SGCZ: variants seen among roughly 807,000 people sequenced by gnomAD.
SGCZ encodes the protein zeta-sarcoglycan.
In SGCZ, 40 loss-of-function variants were observed where a neutral mutation model predicts 41.3. The ratio of observed to expected loss-of-function variants is 0.97; its 90% CI spans 0.75 to 1.26. The LOEUF is 1.26. SGCZ is among the 50% of genes most tolerant of loss of function. The probability of loss-of-function intolerance (pLI) is 0.00; values close to 1 mark genes in which losing one functional copy is unlikely to be tolerated. For missense variants in SGCZ, 552 were observed against 369.8 expected (o/e 1.49, Z -4.04); for synonymous variants, 206 against 137.5 (o/e 1.50, Z -3.49).
At chr8:14,218,766 C>G (rs1218422883) in intron 4 of SGCZ, among the ~76,000 whole-genome samples, 2 of 152,198 alleles carry the variant, frequency 1.3e-5, no homozygotes, top group Non-Finnish European at 2.9e-5. Flanking sequence ...AGAGACAACT[C>G]ACAACATCAA....
At chr8:14,612,659 T>C (rs1363255114) in intron 1 of SGCZ, among the ~76,000 whole-genome samples, 2 of 151,676 alleles carry the variant, frequency 1.3e-5, no homozygotes, top group Non-Finnish European at 2.9e-5. Context: ...CAGGAAGGAG[T>C]TGTGTTTTTT....
At chr8:14,485,199 C>T (rs185401556) in intron 2 of SGCZ, among the ~76,000 whole-genome samples, 13 of 152,228 alleles carry the variant, frequency 8.5e-5, no homozygotes, top group Middle Eastern at 6.8e-3. Context: ...AACTACATTT[C>T]CTATCAGTAT....
At chr8:14,853,578 A>C in intron 1 of SGCZ, 1 of 466,332 alleles carries the variant, frequency 2.1e-6, no homozygotes, top group South Asian at 1.5e-5. Context: ...TACACATTGC[A>C]GGTTAAAAAA....
intron 1 of SGCZ, among the ~76,000 whole-genome samples, chr8:14,936,314 C>G (rs1800081246): frequency 1.3e-5 from 2 of 151,898 alleles, no homozygotes; most frequent in Non-Finnish European, 2.9e-5. Context: ...TTTAATATGT[C>G]TAACGTACCA....
intron 1 of SGCZ, among the ~76,000 whole-genome samples, chr8:14,875,767 T>C (rs1220520054): frequency 1.3e-5 from 2 of 152,130 alleles, no homozygotes; most frequent in South Asian, 4.1e-4. Context: ...GAAAAAATAA[T>C]TGGATTAAGT....
rs1005093649 is a variant in SGCZ, at chr8:14,291,136, G to C, written c.336+32967C>G. Among the ~76,000 whole-genome samples the C allele has an allele frequency of 3.9e-5, 6 of 152,024 alleles. No individual in the cohort carries two copies. The South Asian group carries it at 1.2e-3, about 31-fold the overall frequency. ...AAAAAGTTTTTATCACAAAAGTACA[G>C]AGTAAAATAGCGGTTACCAGAAAAT... is the stretch of plus-strand genomic sequence containing the variant. On this transcript the variant is annotated intron_variant, in intron 3 of 7. Coordinates refer to ENST00000382080, the MANE Select transcript of SGCZ (RefSeq NM_139167.4).
intron 1 of SGCZ, among the ~76,000 whole-genome samples, chr8:14,564,553 T>C (rs1206838216): frequency 6.6e-6 from 1 of 152,168 alleles, no homozygotes; most frequent in Non-Finnish European, 1.5e-5. Flanking sequence ...AAAAGGAGGA[T>C]GTTAAAGTAC....
chr8:15,109,051 AAATTATTC>A, intron 1 of SGCZ, among the ~76,000 whole-genome samples: 1 of 152,312 alleles, frequency 6.6e-6, no homozygotes. Context: ...AACCTGGTTA[AAATTATTC>A]ATAATTGGAA....
chr8:15,216,509 C>T (rs559168008), intron 1 of SGCZ, among the ~76,000 whole-genome samples: 5 of 152,140 alleles, frequency 3.3e-5, no homozygotes, highest in African/African-American at 1.2e-4. Flanking sequence ...CATGAGCCAC[C>T]GCACCTGGCC....
chr8:14,382,606 C>T (rs908071603), intron 2 of SGCZ, among the ~76,000 whole-genome samples: 3 of 151,988 alleles, frequency 2.0e-5, no homozygotes, highest in African/African-American at 4.8e-5. Flanking sequence ...TTATTGGGGA[C>T]GTTCGAGAAT....
chr8:14,171,468 C>T (rs925044121), intron 4 of SGCZ, among the ~76,000 whole-genome samples: 3 of 151,970 alleles, frequency 2.0e-5, no homozygotes, highest in Admixed American at 1.3e-4. Flanking sequence ...ATGTATTCAA[C>T]TGGTAGTATA....
At chr8:14,791,296 T>C (rs181497444) in intron 1 of SGCZ, among the ~76,000 whole-genome samples, 2 of 152,180 alleles carry the variant, frequency 1.3e-5, no homozygotes, top group African/African-American at 4.8e-5. Context: ...ATCGAATTTA[T>C]TCTGACATTG....
At chr8:15,013,391 A>C (rs537711403) in intron 1 of SGCZ, among the ~76,000 whole-genome samples, 2 of 152,198 alleles carry the variant, frequency 1.3e-5, no homozygotes, top group Non-Finnish European at 2.9e-5. Context: ...CCATGAATTG[A>C]AGTGGGGTGC....
chr8:14,489,905 C>T (rs1418501322), intron 2 of SGCZ, among the ~76,000 whole-genome samples: 3 of 137,816 alleles, frequency 2.2e-5, no homozygotes, highest in African/African-American at 5.5e-5. Context: ...CTCGCTCTGT[C>T]GCCCAGACTG....
At chr8:15,054,350 TA>T (rs1248361920) in intron 1 of SGCZ, among the ~76,000 whole-genome samples, 1 of 152,178 alleles carries the variant, frequency 6.6e-6, no homozygotes, top group African/African-American at 2.4e-5. Context: ...TCCACCTAAA[TA>T]TCGCTCAGGC....
intron 4 of SGCZ, among the ~76,000 whole-genome samples, chr8:14,217,155 G>A (rs1339260418): frequency 6.6e-6 from 1 of 151,930 alleles, no homozygotes; most frequent in African/African-American, 2.4e-5. Flanking sequence ...AAGTTAGCCG[G>A]CATGGTGGCA....
chr8:14,164,773 T>A (rs1243098811), intron 4 of SGCZ, 71 bp from the exon 5 acceptor site: 1 of 1,555,184 alleles, frequency 6.4e-7, no homozygotes, highest in Non-Finnish European at 8.8e-7. Context: ...TTTTTGGAAA[T>A]AGACTAGAAA....
chr8:14,405,192 G>T (rs1040627586), intron 2 of SGCZ, among the ~76,000 whole-genome samples: 2 of 152,126 alleles, frequency 1.3e-5, no homozygotes, highest in African/African-American at 4.8e-5. Context: ...TGAGTTCCCC[G>T]TGTTAAATCA....
chr8:14,560,113 T>C (rs1370469640), intron 1 of SGCZ, among the ~76,000 whole-genome samples: 1 of 152,016 alleles, frequency 6.6e-6, no homozygotes, highest in Non-Finnish European at 1.5e-5. Flanking sequence ...TACAGTTCGA[T>C]AGAAGGGATG....
Sources: gnomAD v4.1 joint callset for allele counts (sites outside exome capture counted in the v4.1 genomes callset) on GRCh38, gnomAD v4.1.1 for gene constraint, MANE v1.5 for transcripts, NCBI Gene and HGNC (gene_info 2026-07-23, HGNC 2026-07-21) for gene names.